Variants in MAML3 observed in about 807,000 individuals in gnomAD.
MAML3 encodes the protein mastermind-like protein 3.
A neutral mutation model predicts 101.9 loss-of-function variants in MAML3; 27 were observed. That is an observed-to-expected ratio of 0.27 (90% CI 0.20 to 0.37). MAML3 has a LOEUF of 0.37. Ranked by LOEUF, MAML3 falls within the 10% of genes least tolerant of loss-of-function variation. The pLI, the probability that MAML3 is intolerant of heterozygous loss-of-function variation, is 1.00. For missense variants in MAML3, 1,316 were observed against 1,444.9 expected, an observed-to-expected ratio of 0.91 and a Z score of 1.45; for synonymous variants, 501 against 555.9, an observed-to-expected ratio of 0.90 and a Z score of 1.39.
At chr4:140,086,296 T>A (rs554929996) in intron 1 of MAML3, among the ~76,000 whole-genome samples, 1 of 152,334 alleles carries the variant, frequency 6.6e-6, no homozygotes, top group Admixed American at 6.5e-5. Context: ...CCCCTGAAAC[T>A]TCTCTTCCTT....
intron 2 of MAML3, among the ~76,000 whole-genome samples, chr4:139,793,742 G>A (rs1261077012): frequency 6.6e-6 from 1 of 152,190 alleles, no homozygotes; most frequent in Non-Finnish European, 1.5e-5. Flanking sequence ...CAGAAATACA[G>A]ATCTTTAGCT....
chr4:139,742,689 C>G (rs956753705), intron 2 of MAML3, among the ~76,000 whole-genome samples: 6 of 152,146 alleles, frequency 3.9e-5, no homozygotes, highest in African/African-American at 1.4e-4. Context: ...ACCACTTTTG[C>G]TTAGGATAAA....
chr4:140,100,123 GA>G (rs1380242554), intron 1 of MAML3, among the ~76,000 whole-genome samples: 1 of 151,556 alleles, frequency 6.6e-6, no homozygotes, highest in Non-Finnish European at 1.5e-5. Flanking sequence ...CTGGTGCATG[GA>G]CTCTCACTGC....
At chr4:140,133,869 G>A (rs1728837732) in intron 1 of MAML3, among the ~76,000 whole-genome samples, 1 of 152,152 alleles carries the variant, frequency 6.6e-6, no homozygotes, top group Non-Finnish European at 1.5e-5. Context: ...TAAAATGGCT[G>A]TATGTATACA....
At chr4:139,987,332 G>GT (rs1275301800) in intron 1 of MAML3, among the ~76,000 whole-genome samples, 1 of 152,174 alleles carries the variant, frequency 6.6e-6, no homozygotes, top group East Asian at 1.9e-4. Flanking sequence ...AGAGGCCATG[G>GT]TAAGGCAGAA....
intron 1 of MAML3, among the ~76,000 whole-genome samples, chr4:139,968,534 T>C (rs945812539): frequency 3.3e-5 from 5 of 152,094 alleles, no homozygotes; most frequent in Non-Finnish European, 7.4e-5. Context: ...AGTAATAAGT[T>C]TGATGACTAC....
chr4:139,986,746 G>A (rs962204579), intron 1 of MAML3, among the ~76,000 whole-genome samples: 4 of 151,990 alleles, frequency 2.6e-5, no homozygotes, highest in African/African-American at 9.7e-5. Context: ...GCCTTCCCCT[G>A]TTCACTAAAG....
intron 2 of MAML3, among the ~76,000 whole-genome samples, chr4:139,870,911 A>G (rs2111176219): frequency 6.6e-6 from 1 of 152,362 alleles, no homozygotes; most frequent in Non-Finnish European, 1.5e-5. Flanking sequence ...TAAGCAAAAA[A>G]AGAAAGAAAG....
chr4:139,936,796 C>A (rs1373027536), intron 1 of MAML3, among the ~76,000 whole-genome samples: 2 of 152,194 alleles, frequency 1.3e-5, no homozygotes, highest in African/African-American at 4.8e-5. Flanking sequence ...AACTCCTCAA[C>A]AAAGCCACTT....
chr4:139,771,735 T>C (rs992720283), intron 2 of MAML3, among the ~76,000 whole-genome samples: 1 of 152,072 alleles, frequency 6.6e-6, no homozygotes, highest in Non-Finnish European at 1.5e-5. Flanking sequence ...GTTTCTTAAT[T>C]AGGTAATCCA....
chr4:139,759,472 C>G (rs1469176580), intron 2 of MAML3, among the ~76,000 whole-genome samples: 2 of 152,246 alleles, frequency 1.3e-5, no homozygotes, highest in East Asian at 3.8e-4. Flanking sequence ...ACCAGCATCT[C>G]TCCCTTACAA....
At chr4:139,988,471 G>A (rs1265343079) in intron 1 of MAML3, among the ~76,000 whole-genome samples, 2 of 152,054 alleles carry the variant, frequency 1.3e-5, no homozygotes, top group African/African-American at 4.8e-5. Flanking sequence ...TCCTTGAGGT[G>A]TATTTTTTGC....
intron 1 of MAML3, among the ~76,000 whole-genome samples, chr4:139,977,746 G>C (rs181691975): frequency 7.5e-4 from 114 of 152,126 alleles, no homozygotes; most frequent in African/African-American, 2.7e-3. Context: ...GGTGGCATGT[G>C]CCTGTAATCC....
rs1192895445 is a variant in MAML3 at position 140,147,914 on chromosome 4, GAA to G, written c.468+4944_468+4945del. ...CACCAGGGTGAGTGAGTGAATGAGT[GAA>G]TGTGTGTGTGTGTGTGTGCACGTGC... is the stretch of plus-strand genomic sequence containing the variant. On this transcript the variant is annotated intron_variant, in intron 1 of 4. Coordinates refer to ENST00000509479, the MANE Select transcript of MAML3 (RefSeq NM_018717.5). 2.5e-3 allele frequency among the ~76,000 whole-genome samples: 122 copies of G among 48,478 alleles called. 1 individual carries two copies. The Middle Eastern group carries it at 0.03, about 12-fold the overall frequency. 31.8% of individuals were successfully genotyped at this position (48,478 alleles called of 152,430 possible).
chr4:140,129,970 A>C (rs1332860174), intron 1 of MAML3, among the ~76,000 whole-genome samples: 1 of 152,056 alleles, frequency 6.6e-6, no homozygotes, highest in Non-Finnish European at 1.5e-5. Flanking sequence ...CGTCTCAAAA[A>C]AAAAAAAAAG....
chr4:139,882,202 G>A (rs184179991), intron 2 of MAML3, among the ~76,000 whole-genome samples: 2 of 151,826 alleles, frequency 1.3e-5, no homozygotes, highest in East Asian at 3.9e-4. Context: ...CAATCCAGAA[G>A]GTTTAATACA....
At chr4:139,988,184 G>A (rs559474894) in intron 1 of MAML3, among the ~76,000 whole-genome samples, 28 of 150,142 alleles carry the variant, frequency 1.9e-4, no homozygotes, top group South Asian at 8.5e-4. Context: ...AAAATTAGCC[G>A]GGCCTGGTGG....
At chr4:139,835,524 G>A (rs1216663284) in intron 2 of MAML3, among the ~76,000 whole-genome samples, 1 of 152,138 alleles carries the variant, frequency 6.6e-6, no homozygotes, top group East Asian at 1.9e-4. Flanking sequence ...TTCTGGTGTG[G>A]GTCCTAATAT....
At chr4:139,869,063 T>C (rs1409889922) in intron 2 of MAML3, among the ~76,000 whole-genome samples, 8 of 152,374 alleles carry the variant, frequency 5.3e-5, no homozygotes, top group Non-Finnish European at 1.0e-4. Context: ...ATGGTCTTTC[T>C]GCATGTCAGC....
Sources: gnomAD v4.1 joint callset for allele counts (sites outside exome capture counted in the v4.1 genomes callset) on GRCh38, gnomAD v4.1.1 for gene constraint, MANE v1.5 for transcripts, NCBI Gene and HGNC (gene_info 2026-07-23, HGNC 2026-07-21) for gene names.